Variants in C2orf76 observed in about 807,000 individuals in gnomAD.
C2orf76 encodes chromosome 2 open reading frame 76, also known as UPF0538 protein C2orf76.
Under a neutral mutation model 16.9 loss-of-function variants are expected in C2orf76, and 23 were observed. The ratio of observed to expected loss-of-function variants is 1.36; its 90% CI spans 0.98 to 1.93. The LOEUF (loss-of-function observed/expected upper bound fraction) is 1.93. Ranked by LOEUF, C2orf76 falls within the 30% of genes most tolerant of loss-of-function variation. C2orf76 has a pLI of 0.00. For synonymous variants in C2orf76, 48 were observed against 52.3 expected (o/e 0.92, Z 0.35); for missense variants, 152 against 152.6 (o/e 1.00, Z 0.02).
the C2orf76 span, among the ~76,000 whole-genome samples, chr2:119,289,313 C>T: frequency 6.6e-6 from 1 of 152,052 alleles, no homozygotes; most frequent in East Asian, 1.9e-4. Context: ...TGTGGTTTAG[C>T]TTCTGTGTTC....
downstream of C2orf76, among the ~76,000 whole-genome samples, chr2:119,300,537 T>C (rs543691467): frequency 2.0e-5 from 3 of 152,338 alleles, no homozygotes; most frequent in East Asian, 5.8e-4. Context: ...TCTACTCTGT[T>C]CCATGTACTT....
At chr2:119,301,104 C>CACACACACACACAA (rs531243604), downstream of C2orf76, among the ~76,000 whole-genome samples, 2,977 of 141,906 alleles carry the variant, frequency 0.021, 69 homozygotes, top group East Asian at 0.12. Flanking sequence ...CACACACACA[C>CACACACACACACAA]AACTAATTTC....
chr2:119,311,779 G>T, intron 4 of C2orf76, 76 bp from the exon 5 acceptor site: 1 of 1,317,388 alleles, frequency 7.6e-7, no homozygotes, highest in South Asian at 1.3e-5. Context: ...CAAAGACACA[G>T]AGTTGTAACT....
chr2:119,284,814 T>C, the C2orf76 span, among the ~76,000 whole-genome samples: 1 of 152,176 alleles, frequency 6.6e-6, no homozygotes, highest in Admixed American at 6.5e-5. Context: ...TGGTTGATAA[T>C]TTTGTAAACG....
chr2:119,281,557 GA>G, the C2orf76 span, among the ~76,000 whole-genome samples: 8 of 152,032 alleles, frequency 5.3e-5, no homozygotes, highest in African/African-American at 1.9e-4. Flanking sequence ...GACAGAGAGA[GA>G]AAAAACAGTT....
chr2:119,360,880 A>G (rs2104652944), intron 1 of C2orf76, among the ~76,000 whole-genome samples: 1 of 152,364 alleles, frequency 6.6e-6, no homozygotes, highest in South Asian at 2.1e-4. Context: ...AAAACAATAC[A>G]AAAAGGCTAT....
chr2:119,282,635 C>T, the C2orf76 span, among the ~76,000 whole-genome samples: 3 of 152,182 alleles, frequency 2.0e-5, no homozygotes, highest in Non-Finnish European at 4.4e-5. Flanking sequence ...CCGGCCCTGA[C>T]GGACAGGGTG....
chr2:119,314,154 G>A lies in C2orf76; in HGVS notation c.223-2451C>T, dbSNP rs536801610. ...TCATATTTAGAAAGCCCTTCTTCAC[G>A]CCAAGATTTTTTAAATTCCCTGTTC... On this transcript the variant is annotated intron_variant, in intron 4 of 5. Coordinates refer to ENST00000334816, the MANE Select transcript of C2orf76 (RefSeq NM_001322331.2). Among the ~76,000 whole-genome samples the A allele has an allele frequency of 4.6e-5, 7 of 151,016 alleles. No individual in the cohort carries two copies. The East Asian group carries it at 5.9e-4, about 13-fold the overall frequency.
chr2:119,357,065 A>T (rs908277410), intron 1 of C2orf76, among the ~76,000 whole-genome samples: 1 of 152,162 alleles, frequency 6.6e-6, no homozygotes, highest in Non-Finnish European at 1.5e-5. Context: ...AAAGGAAGGA[A>T]GGAAGGAAGG....
rs541973646 is a variant in C2orf76 at position 119,304,211 on chromosome 2, T to A, written c.305-1663A>T. Among the ~76,000 whole-genome samples the A allele has an allele frequency of 1.7e-4, 26 of 152,348 alleles. No individual in the cohort carries two copies. The South Asian group carries it at 5.4e-3, about 32-fold the overall frequency. On this transcript the variant is annotated intron_variant, in intron 5 of 5. Transcript: ENST00000334816. ...TTCTAATCAACCTTCTAATGAAGAA[T>A]GAGCAAAAGACACCCTGTTCTTAAT... is the stretch of plus-strand genomic sequence containing the variant.
At chr2:119,358,298 C>G (rs1043420290) in intron 1 of C2orf76, among the ~76,000 whole-genome samples, 5 of 151,264 alleles carry the variant, frequency 3.3e-5, no homozygotes, top group African/African-American at 9.7e-5. Context: ...GGTAAGAAGG[C>G]AAAACAGATG....
chr2:119,294,758 C>A, the C2orf76 span, among the ~76,000 whole-genome samples: 1 of 152,114 alleles, frequency 6.6e-6, no homozygotes, highest in East Asian at 1.9e-4. Context: ...CAGCCATGAC[C>A]GACAGCGTGG....
chr2:119,334,871 G>A (rs187387421), intron 2 of C2orf76, among the ~76,000 whole-genome samples: 4 of 152,258 alleles, frequency 2.6e-5, no homozygotes, highest in Admixed American at 2.6e-4. Flanking sequence ...GATTTTGTAA[G>A]ACTACAGTGC....
At chr2:119,315,127 T>C (rs1679124835) in intron 4 of C2orf76, among the ~76,000 whole-genome samples, 1 of 152,148 alleles carries the variant, frequency 6.6e-6, no homozygotes, top group South Asian at 2.1e-4. Flanking sequence ...TTTATTTCAA[T>C]CTTAATAGAA....
At chr2:119,307,995 A>G (rs1678852532) in intron 5 of C2orf76, among the ~76,000 whole-genome samples, 1 of 152,208 alleles carries the variant, frequency 6.6e-6, no homozygotes, top group East Asian at 1.9e-4. Flanking sequence ...ACAACCTTCT[A>G]GAATAGGTTT....
chr2:119,301,814 G>A (rs2104526982), downstream of C2orf76, among the ~76,000 whole-genome samples: 3 of 151,260 alleles, frequency 2.0e-5, no homozygotes, highest in East Asian at 5.8e-4. Flanking sequence ...CCAAATAAAT[G>A]AGTTTGATTC....
chr2:119,285,261 T>C, the C2orf76 span, among the ~76,000 whole-genome samples: 1 of 152,230 alleles, frequency 6.6e-6, no homozygotes, highest in East Asian at 1.9e-4. Flanking sequence ...TTTAACATGA[T>C]ATAGTGCGAT....
chr2:119,289,687 GA>G, the C2orf76 span, among the ~76,000 whole-genome samples: 211 of 141,878 alleles, frequency 1.5e-3, no homozygotes, highest in Middle Eastern at 3.7e-3. Context: ...TCCGTCTCAA[GA>G]AAAAAAAAAA....
intron 1 of C2orf76, among the ~76,000 whole-genome samples, chr2:119,346,221 G>C (rs1306054215): frequency 6.6e-6 from 1 of 152,068 alleles, no homozygotes; most frequent in Admixed American, 6.6e-5. Context: ...GTCTGAAAAA[G>C]AATATGGCAA....
Sources: gnomAD v4.1 joint callset for allele counts (sites outside exome capture counted in the v4.1 genomes callset) on GRCh38, gnomAD v4.1.1 for gene constraint, MANE v1.5 for transcripts, NCBI Gene and HGNC (gene_info 2026-07-23, HGNC 2026-07-21) for gene names.